Variants in ADGRE2 observed in about 807,000 individuals in gnomAD.
ADGRE2 encodes CD97 antigen.
ADGRE2 carries 83 observed loss-of-function variants against 100.8 expected under a neutral mutation model. The observed-to-expected ratio is 0.82, with a 90% CI of 0.69 to 0.99. The LOEUF is 0.99. Among genes scored for constraint, ADGRE2 ranks in the 50% least tolerant of loss-of-function variants. The pLI, the probability that ADGRE2 is intolerant of heterozygous loss-of-function variation, is 0.00. For missense variants in ADGRE2, 814 were observed against 1,035.7 expected (o/e 0.79, Z 2.94); for synonymous variants, 355 against 413.0 (o/e 0.86, Z 1.70).
Position 14,755,929 on chromosome 19 carries a change from C to T in ADGRE2, c.1193-52G>A, listed in dbSNP as rs2043488194. 2.0e-6 allele frequency: 3 copies of T among 1,478,356 alleles called. No homozygotes were observed. In the Admixed American group the frequency reaches 5.5e-5, roughly 27 times the overall value. 91.6% of individuals were successfully genotyped at this position (1,478,356 alleles called of 1,614,324 possible). Reference sequence around the variant, plus strand: ...TTGGAGTAGGTTGAATCTCTGGGTCCACACCAGAGTTCCTCTGCCCTGCAC... The same window carrying T: ...TTGGAGTAGGTTGAATCTCTGGGTCTACACCAGAGTTCCTCTGCCCTGCAC... On this transcript the variant is annotated intron_variant, in intron 12 of 20. Coordinates refer to ENST00000315576, the MANE Select transcript of ADGRE2 (RefSeq NM_013447.4).
chr19:14,778,484 C>T lies in ADGRE2; in HGVS notation c.-399G>A, dbSNP rs2044505065. 10 of 931,428 alleles carry T rather than the reference C, an allele frequency of 1.1e-5. No homozygotes were observed. Among genetic ancestry groups the T allele is most frequent in the Non-Finnish European group, 1.3e-5 (10 of 780,450 alleles). The allele number at this position is 931,428 out of a possible 1,614,324, so 57.7% of individuals were successfully genotyped here. A position where few individuals can be genotyped will look rare whatever the true frequency, so the allele number is the denominator to read the frequency against. ...AGCCCAGGGAGGGAGAAGGGGCCCT[C>T]TTCCGATGCCAGGCAGGTGCCAAGA... is the stretch of plus-strand genomic sequence containing the variant. On this transcript the variant is annotated 5_prime_UTR_variant, in exon 1 of 21. Coordinates refer to ENST00000315576, the MANE Select transcript of ADGRE2 (RefSeq NM_013447.4).
rs1224882953 is a variant in ADGRE2 at position 14,755,728 on chromosome 19, C to T, written c.1342G>A (p.Val448Met). The change falls in exon 13 of 21, where the codon GTG becomes ATG. Residue 448 changes from valine (V) to methionine (M), a missense_variant. By Grantham distance (21) the Val-to-Met change is conservative. Coordinates refer to ENST00000315576, the MANE Select transcript of ADGRE2 (RefSeq NM_013447.4). ...QDGSPILLSDVISAFLSNNDT... is the reference protein window; with the variant it reads ...QDGSPILLSDMISAFLSNNDT... ...TTGTTGCTCAGAAAGGCAGAGATCA[C>T]ATCTGAGAGCAGGATGGGGGAGCCG... 1 of 1,614,066 alleles carries T rather than the reference C, an allele frequency of 6.2e-7. No homozygotes were observed. The highest frequency in any genetic ancestry group is 8.5e-7 in the Non-Finnish European group (1 of 1,180,036).
chr19:14,731,092 C>A, downstream of ADGRE2: 1 of 1,269,084 alleles, frequency 7.9e-7, no homozygotes, highest in South Asian at 1.3e-5. Context: ...CCTCCTGCCC[C>A]CTCCCCCCAA....
chr19:14,764,232 A>C (rs1222015312), intron 11 of ADGRE2, among the ~76,000 whole-genome samples: 1 of 38,856 alleles, frequency 2.6e-5, no homozygotes, highest in Non-Finnish European at 4.2e-5. Context: ...GTCTAATTTA[A>C]AAGATTTTTT....
downstream of ADGRE2, chr19:14,732,288 A>C (rs549626474): frequency 7.0e-6 from 1 of 143,576 alleles, no homozygotes; most frequent in African/African-American, 2.5e-5. Context: ...TTTAGGAATA[A>C]ACTATTTTTA....
At chr19:14,759,764 G>GGATT (rs901314769) in intron 11 of ADGRE2, among the ~76,000 whole-genome samples, 3 of 150,384 alleles carry the variant, frequency 2.0e-5, no homozygotes, top group Non-Finnish European at 4.4e-5. Context: ...CAAAGTGCTA[G>GGATT]GATTACGGGT....
At chr19:14,774,691 T>A (rs1238890762) in intron 2 of ADGRE2, among the ~76,000 whole-genome samples, 1 of 139,656 alleles carries the variant, frequency 7.2e-6, no homozygotes, top group Admixed American at 7.7e-5. Flanking sequence ...TCTTTCTTTT[T>A]GAGACAGGGT....
At chr19:14,753,788 TAA>T (rs58085048) in intron 14 of ADGRE2, among the ~76,000 whole-genome samples, 91 of 141,234 alleles carry the variant, frequency 6.4e-4, no homozygotes, top group East Asian at 8.2e-4. Context: ...AGACCCTGTC[TAA>T]AAAAAAAAAA....
chr19:14,774,349 T>C, intron 2 of ADGRE2, 43 bp from the exon 3 acceptor site: 1 of 1,228,590 alleles, frequency 8.1e-7, no homozygotes, highest in South Asian at 1.5e-5. Context: ...GATCCCAGGG[T>C]GGGAAAGGAG....
chr19:14,745,068 T>C (rs985806016), intron 18 of ADGRE2, among the ~76,000 whole-genome samples: 13 of 151,982 alleles, frequency 8.6e-5, no homozygotes, highest in African/African-American at 3.1e-4. Context: ...TTTTGTATTT[T>C]TAGTAGAGAC....
At chr19:14,737,662 C>G (rs2042796892) in intron 20 of ADGRE2, among the ~76,000 whole-genome samples, 1 of 151,946 alleles carries the variant, frequency 6.6e-6, no homozygotes, top group Non-Finnish European at 1.5e-5. Context: ...AAATGTGTTG[C>G]AGTAAAGTAT....
intron 18 of ADGRE2, among the ~76,000 whole-genome samples, chr19:14,744,604 A>C (rs1295722137): frequency 6.6e-6 from 1 of 151,570 alleles, no homozygotes; most frequent in Admixed American, 6.6e-5. Flanking sequence ...ATAGACGCCC[A>C]CCACCATGCC....
chr19:14,773,656 T>C (rs915981181), intron 4 of ADGRE2, among the ~76,000 whole-genome samples: 1 of 151,972 alleles, frequency 6.6e-6, no homozygotes, highest in African/African-American at 2.4e-5. Flanking sequence ...GGACTCCAGA[T>C]GTGTGCCACC....
the ADGRE2 span, among the ~76,000 whole-genome samples, chr19:14,725,778 C>T: frequency 6.6e-6 from 1 of 152,216 alleles, no homozygotes; most frequent in Admixed American, 6.5e-5. Flanking sequence ...AGCTCCAGCC[C>T]TGTGGCTTTG....
the ADGRE2 span, among the ~76,000 whole-genome samples, chr19:14,726,188 C>T: frequency 1.3e-5 from 2 of 152,338 alleles, no homozygotes; most frequent in South Asian, 4.1e-4. Context: ...CCCCTTTGAG[C>T]CAAGGCTGGA....
In ADGRE2 at chr19:14,754,962, C is replaced by T. The variant is rs954008643; in HGVS notation, c.1582G>A (p.Asp528Asn). ...SSFAVLMAHY[D>N]VQEEDPVLTV... ...CCTCCTAAGGGTCTCACCTGCACAT[C>T]GTAGTGGGCCATGAGGACGGCAAAG... Residue 528 changes from aspartate to asparagine, a missense_variant, in exon 14 of 21, where the codon GAT becomes AAT. Transcript: ENST00000315576. 8.7e-6 allele frequency: 14 copies of T among 1,613,746 alleles called. No homozygotes were observed. Among genetic ancestry groups the T allele is most frequent in the Admixed American group, 3.3e-5 (2 of 59,986 alleles).
At chr19:14,771,621 CTTATTTATTTATTTAT>C (rs369899556) in intron 5 of ADGRE2, among the ~76,000 whole-genome samples, 12 of 143,592 alleles carry the variant, frequency 8.4e-5, no homozygotes, top group African/African-American at 2.8e-4. Flanking sequence ...GCATCCATTG[CTTATTTATTTATTTAT>C]TTATTTATTT....
intron 17 of ADGRE2, 100 bp from the exon 18 acceptor site, chr19:14,746,423 A>G: frequency 1.4e-6 from 1 of 701,682 alleles, no homozygotes; most frequent in South Asian, 1.7e-5. Context: ...CCCAGGCTGG[A>G]GTGTGGCGGT....
rs1475269200 is a variant in ADGRE2 at position 14,765,509 on chromosome 19, G to T, written c.828+15C>A. ...ATGGAGTTCCCGCCGCCTCGTCCCT[G>T]TGGGGGCCACTCACCTGGCTGTGGA... On this transcript the variant is annotated intron_variant, in intron 9 of 20. Transcript: ENST00000315576. 2 of 1,613,596 alleles carry T rather than the reference G, an allele frequency of 1.2e-6. No homozygotes were observed. The highest frequency in any genetic ancestry group is 4.5e-5 in the East Asian group (2 of 44,880).
Sources: allele counts gnomAD v4.1 joint callset (sites outside exome capture counted in the v4.1 genomes callset), GRCh38; gene constraint gnomAD v4.1.1; transcripts MANE v1.5; gene names NCBI Gene and HGNC (gene_info 2026-07-23, HGNC 2026-07-21).